RBFOX1: variants seen among roughly 807,000 people sequenced by gnomAD.
RBFOX1 encodes RNA binding protein fox-1 homolog 1.
RBFOX1 carries 8 observed loss-of-function variants against 57.7 expected under a neutral mutation model. That is an observed-to-expected ratio of 0.14 (90% CI 0.08 to 0.25). RBFOX1 has a LOEUF of 0.25. Among genes scored for constraint, RBFOX1 ranks in the 10% least tolerant of loss-of-function variants. The probability of loss-of-function intolerance (pLI) is 1.00; values close to 1 mark genes in which losing one functional copy is unlikely to be tolerated. For synonymous variants in RBFOX1, 326 were observed against 222.4 expected (o/e 1.47, Z -4.15); for missense variants, 611 against 548.5 (o/e 1.11, Z -1.14).
At chr16:5,861,617 G>A (rs531790697) in intron 3 of RBFOX1, among the ~76,000 whole-genome samples, 3 of 152,260 alleles carry the variant, frequency 2.0e-5, no homozygotes, top group East Asian at 3.9e-4. Context: ...TATCCTTGAC[G>A]AACATAAGCA....
intron 4 of RBFOX1, among the ~76,000 whole-genome samples, chr16:7,208,663 G>A (rs9925391): frequency 6.6e-6 from 1 of 151,786 alleles, no homozygotes. Flanking sequence ...TAGCAAGACC[G>A]TATCTCAACA....
intron 3 of RBFOX1, among the ~76,000 whole-genome samples, chr16:5,666,856 TGA>T (rs760507160): frequency 2.0e-5 from 3 of 152,252 alleles, no homozygotes; most frequent in Non-Finnish European, 4.4e-5. Flanking sequence ...CCCAGGAGGA[TGA>T]GTCTTGATTT....
rs572514241 is a variant in RBFOX1 at position 5,817,168 on chromosome 16, CTCTA to C, written c.319-50131_319-50128del. Among the ~76,000 whole-genome samples the C allele has an allele frequency of 4.0e-4, 61 of 152,286 alleles. No individual in the cohort carries two copies. The East Asian group carries it at 0.01, about 26-fold the overall frequency. ...CGTCTTGCACTCTTGTGCACTCTCT[CTCTA>C]TCTCTCTGTGTGTGTGTGTTTGTGT... On this transcript the variant is annotated intron_variant, in intron 3 of 19. Transcript: ENST00000641259.
chr16:6,469,481 GC>G (rs1276481877), intron 2 of RBFOX1, among the ~76,000 whole-genome samples: 1 of 152,134 alleles, frequency 6.6e-6, no homozygotes, highest in Admixed American at 6.5e-5. Context: ...GATTTTAAGG[GC>G]CACGTGCACT....
At chr16:7,207,760 C>T (rs2090291275) in intron 4 of RBFOX1, among the ~76,000 whole-genome samples, 1 of 152,180 alleles carries the variant, frequency 6.6e-6, no homozygotes, top group Non-Finnish European at 1.5e-5. Context: ...GGTTAATTTG[C>T]CTGTTGCACC....
chr16:6,676,990 C>T lies in RBFOX1; in HGVS notation c.-16+22340C>T, dbSNP rs557480993. ...CATGCCCAGCCGTTAACTCAACTTT[C>T]TATGCACAGATCCAAAAGACCAAAA... is the stretch of plus-strand genomic sequence containing the variant. On this transcript the variant is annotated intron_variant, in intron 3 of 15. Coordinates refer to ENST00000550418, the MANE Select transcript of RBFOX1 (RefSeq NM_018723.4). Among the ~76,000 whole-genome samples the T allele has an allele frequency of 6.6e-5, 10 of 152,176 alleles. No individual in the cohort carries two copies. In the South Asian group the frequency reaches 1.2e-3, roughly 19 times the overall value.
intron 2 of RBFOX1, among the ~76,000 whole-genome samples, chr16:6,343,383 C>A (rs1314875213): frequency 6.6e-6 from 1 of 152,138 alleles, no homozygotes; most frequent in Non-Finnish European, 1.5e-5. Context: ...ATTTTTCCCC[C>A]TAAATTATGC....
intron 3 of RBFOX1, among the ~76,000 whole-genome samples, chr16:5,739,076 C>T (rs1465804184): frequency 6.6e-6 from 1 of 152,230 alleles, no homozygotes; most frequent in African/African-American, 2.4e-5. Flanking sequence ...TGAAATCTAA[C>T]AGTTCTGTTG....
chr16:5,508,762 G>A (rs1304646638), intron 2 of RBFOX1, among the ~76,000 whole-genome samples: 1 of 152,220 alleles, frequency 6.6e-6, no homozygotes, highest in East Asian at 1.9e-4. Flanking sequence ...AGAAGGTGGG[G>A]ATCACAGGGC....
chr16:5,827,688 C>T (rs1352148615), intron 3 of RBFOX1, among the ~76,000 whole-genome samples: 1 of 152,150 alleles, frequency 6.6e-6, no homozygotes, highest in African/African-American at 2.4e-5. Context: ...AGATGGCAAC[C>T]CCTGCTTTGA....
chr16:5,385,875 C>A (rs1210127007), intron 1 of RBFOX1, among the ~76,000 whole-genome samples: 1 of 152,268 alleles, frequency 6.6e-6, no homozygotes, highest in East Asian at 1.9e-4. Flanking sequence ...GATTGATTGA[C>A]CTCGTCTTTT....
chr16:6,825,529 T>G (rs760108131), intron 3 of RBFOX1, among the ~76,000 whole-genome samples: 4 of 152,102 alleles, frequency 2.6e-5, no homozygotes, highest in Non-Finnish European at 5.9e-5. Flanking sequence ...TTTTGAACAG[T>G]CTTTTGATAT....
At chr16:7,334,808 G>C (rs780413426) in intron 4 of RBFOX1, among the ~76,000 whole-genome samples, 1 of 152,186 alleles carries the variant, frequency 6.6e-6, no homozygotes, top group Non-Finnish European at 1.5e-5. Context: ...CAGAGCATTT[G>C]AGAAACATAG....
chr16:6,888,280 C>T (rs924801335), intron 3 of RBFOX1, among the ~76,000 whole-genome samples: 3 of 152,110 alleles, frequency 2.0e-5, no homozygotes, highest in African/African-American at 7.2e-5. Context: ...GTTTGTGTTT[C>T]TGACAGCTTA....
intron 3 of RBFOX1, among the ~76,000 whole-genome samples, chr16:5,665,136 G>C (rs562545549): frequency 5.6e-5 from 8 of 142,532 alleles, no homozygotes; most frequent in South Asian, 2.5e-4. Context: ...TTACATGGGG[G>C]GGGGCGGTCT....
chr16:7,415,773 G>T (rs1318027800), intron 4 of RBFOX1, among the ~76,000 whole-genome samples: 1 of 125,346 alleles, frequency 8.0e-6, no homozygotes, highest in African/African-American at 4.7e-5. Flanking sequence ...CAGGAAAGTG[G>T]AAGAAAATAA....
chr16:6,142,065 A>G (rs1158378395), intron 1 of RBFOX1, among the ~76,000 whole-genome samples: 4 of 150,394 alleles, frequency 2.7e-5, no homozygotes, highest in African/African-American at 7.4e-5. Flanking sequence ...AAAATCTATA[A>G]TCTCATCACC....
chr16:7,076,763 C>T (rs181056659), intron 4 of RBFOX1, among the ~76,000 whole-genome samples: 1 of 152,274 alleles, frequency 6.6e-6, no homozygotes, highest in Admixed American at 6.5e-5. Context: ...ATGAAATGAC[C>T]AGTTTAAACT....
At chr16:7,691,857 G>T (rs1275928007) in intron 14 of RBFOX1, among the ~76,000 whole-genome samples, 1 of 152,098 alleles carries the variant, frequency 6.6e-6, no homozygotes, top group African/African-American at 2.4e-5. Flanking sequence ...AGACCTTGCC[G>T]CTTTGGATAA....
Sources: gnomAD v4.1 joint callset for allele counts (sites outside exome capture counted in the v4.1 genomes callset) on GRCh38, gnomAD v4.1.1 for gene constraint, MANE v1.5 for transcripts, NCBI Gene and HGNC (gene_info 2026-07-23, HGNC 2026-07-21) for gene names.